The following FSIP2 variants were observed in gnomAD, a reference collection of about 807,000 sequenced individuals.
The protein encoded by FSIP2 is fibrous sheath-interacting protein 2.
A neutral mutation model predicts 510.5 loss-of-function variants in FSIP2; 367 were observed. The ratio of observed to expected loss-of-function variants is 0.72; its 90% CI spans 0.66 to 0.78. FSIP2 has a LOEUF of 0.78. Ranked by LOEUF, FSIP2 falls within the 30% of genes least tolerant of loss-of-function variation. FSIP2 has a pLI of 0.00. For synonymous variants in FSIP2, 2,601 were observed against 2,732.2 expected, an observed-to-expected ratio of 0.95 and a Z score of 1.50; for missense variants, 7,594 against 7,901.7, an observed-to-expected ratio of 0.96 and a Z score of 1.48.
chr2:185,802,345 A>C lies in FSIP2; in HGVS notation c.13039A>C (p.Asn4347His). The change falls in exon 17 of 23, where the codon AAT becomes CAT. Residue 4347 changes from asparagine to histidine, a missense_variant. Coordinates refer to ENST00000424728, the MANE Select transcript of FSIP2 (RefSeq NM_173651.4). ...AGTAAACTCCATAAATAGGCATTTC[A>C]ATAAAGCTAAAATTCACATTCTCTA... ...RIVNSINRHF[N>H]KAKIHILYDD... 1 of 1,533,322 alleles carries C rather than the reference A, an allele frequency of 6.5e-7. No individual in the cohort carries two copies. Among genetic ancestry groups the C allele is most frequent in the Non-Finnish European group, 8.7e-7 (1 of 1,145,244 alleles). The allele number at this position is 1,533,322 out of a possible 1,614,324, so 95.0% of individuals were successfully genotyped here.
In FSIP2 at chr2:185,801,127, G is replaced by A; in HGVS notation, c.11821G>A (p.Val3941Met). 1 of 1,533,606 alleles carries A rather than the reference G, an allele frequency of 6.5e-7. No homozygotes were observed. The allele number at this position is 1,533,606 out of a possible 1,614,324, so 95.0% of individuals were successfully genotyped here. A position where few individuals can be genotyped will look rare whatever the true frequency, so the allele number is the denominator to read the frequency against. The change falls in exon 17 of 23, where the codon GTG (valine) becomes ATG (methionine). Residue 3941 changes from valine (V) to methionine (M), a missense_variant. Transcript: ENST00000424728. ...GCATTGTGCAGTAAAATCCTCTTCTGTGTCACCTTTTGAAAGACAGAGAAC... is the reference window on the plus strand; with the variant it reads ...GCATTGTGCAGTAAAATCCTCTTCTATGTCACCTTTTGAAAGACAGAGAAC... ...NKHCAVKSSS[V>M]SPFERQRTKE...
Position 185,746,681 on chromosome 2 carries a change from G to A in FSIP2, c.630G>A (p.Met210Ile). 1 of 1,515,184 alleles carries A rather than the reference G, an allele frequency of 6.6e-7. No individual in the cohort carries two copies. The highest frequency in any genetic ancestry group is 8.8e-7 in the Non-Finnish European group (1 of 1,138,650). The allele number at this position is 1,515,184 out of a possible 1,614,324, so 93.9% of individuals were successfully genotyped here. The change falls in exon 6 of 23, where the codon ATG becomes ATA. Residue 210 changes from methionine to isoleucine, a missense_variant. Physicochemically the swap from Met to Ile is conservative, Grantham distance 10 (BLOSUM62 1). Coordinates refer to ENST00000424728, the MANE Select transcript of FSIP2 (RefSeq NM_173651.4). The part of the protein sequence containing the change: ...ERLMRHRYLD[M>I]ISRKLEQLER... ...CACTCTTACTCAGATATTTGGATAT[G>A]ATAAGTAGAAAACTAGAACAACTTG...
chr2:185,810,764 C>T (rs1313486381), intron 17 of FSIP2, among the ~76,000 whole-genome samples: 1 of 151,706 alleles, frequency 6.6e-6, no homozygotes, highest in Non-Finnish European at 1.5e-5. Context: ...TTAGAAGGCT[C>T]AGAAGAAGAT....
chr2:185,789,219 A>G lies in FSIP2; in HGVS notation c.2083A>G (p.Asn695Asp). ...GAAGAATTTAAAAAATGTTTTTGTTAACTTTAAATGTTACTTGAAAGGGGA... is the reference window on the plus strand; with the variant it reads ...GAAGAATTTAAAAAATGTTTTTGTTGACTTTAAATGTTACTTGAAAGGGGA... ...EMKNLKNVFV[N>D]FKCYLKGETE... The change falls in exon 16 of 23, where the codon AAC (asparagine) becomes GAC (aspartate). Residue 695 changes from asparagine to aspartate, a missense_variant. Asn to Asp is a conservative substitution (Grantham distance 23, BLOSUM62 1). Coordinates refer to ENST00000424728, the MANE Select transcript of FSIP2 (RefSeq NM_173651.4). 5.9e-6 allele frequency: 9 copies of G among 1,534,292 alleles called. No individual in the cohort carries two copies. Among genetic ancestry groups the G allele is most frequent in the Non-Finnish European group, 7.9e-6 (9 of 1,145,690 alleles).
chr2:185,801,092 C>G lies in FSIP2; in HGVS notation c.11786C>G (p.Pro3929Arg), dbSNP rs778679953. 1 of 1,531,956 alleles carries G rather than the reference C, an allele frequency of 6.5e-7. No individual in the cohort carries two copies. The highest frequency in any genetic ancestry group is 1.4e-5 in the African/African-American group (1 of 72,720). The allele number at this position is 1,531,956 out of a possible 1,614,324, so 94.9% of individuals were successfully genotyped here. ...GTGGTTAGCTCCAAAATACAAGCAC[C>G]ATTTAACAAGCATTGTGCAGTAAAA... ...PSVVSSKIQA[P>R]FNKHCAVKSS... is the part of the protein sequence containing the mutation. Residue 3929 changes from proline (P) to arginine (R), a missense_variant, in exon 17 of 23, where the codon CCA (proline) becomes CGA (arginine). Physicochemically the swap from Pro to Arg is moderately radical, Grantham distance 103. Coordinates refer to ENST00000424728, the MANE Select transcript of FSIP2 (RefSeq NM_173651.4).
chr2:185,738,453 G>A (rs1691831352), upstream of FSIP2: 3 of 679,742 alleles, frequency 4.4e-6, no homozygotes, highest in East Asian at 8.3e-5. Flanking sequence ...GGAGCCTGGG[G>A]ATGGGGTGTG....
Position 185,744,570 on chromosome 2 carries a change from T to C in FSIP2, c.477+159T>C, listed in dbSNP as rs1225557314. On this transcript the variant is annotated intron_variant, in intron 4 of 22. Transcript: ENST00000424728. ...AAATTTACAGTAGGAATAAACAATA[T>C]TTTAATTTTGCTATAGTTGGCCAAG... The C allele has an allele frequency of 1.3e-5, 3 of 226,216 alleles. No homozygotes were observed. In the East Asian group the frequency reaches 2.4e-4, roughly 18 times the overall value. The allele number at this position is 226,216 out of a possible 1,614,324, so 14.0% of individuals were successfully genotyped here.
rs1190071894 is a variant in FSIP2, at chr2:185,792,645, G to A, written c.5509G>A (p.Ala1837Thr). 5.2e-6 allele frequency: 8 copies of A among 1,533,844 alleles called. No individual in the cohort carries two copies. The highest frequency in any genetic ancestry group is 1.4e-5 in the African/African-American group (1 of 72,856). The change falls in exon 16 of 23, where the codon GCA (alanine) becomes ACA (threonine). Residue 1837 changes from alanine (A) to threonine (T), a missense_variant. Physicochemically the swap from Ala to Thr is moderately conservative, Grantham distance 58. Transcript: ENST00000424728. The part of the protein sequence containing the change: ...DKMMDPLLSE[A>T]DITIVTDNIV... ...AATGATGGATCCTTTACTTTCGGAA[G>A]CAGATATAACCATAGTAACAGATAA...
chr2:185,773,033 A>AT (rs543195809), intron 13 of FSIP2, among the ~76,000 whole-genome samples: 16 of 151,680 alleles, frequency 1.1e-4, no homozygotes, highest in South Asian at 4.2e-4. Context: ...CTAGTTTTGT[A>AT]TTTTTTTAGT....
At chr2:185,764,647 G>T in intron 13 of FSIP2, 82 bp downstream of exon 13, 2 of 957,688 alleles carry the variant, frequency 2.1e-6, no homozygotes, top group South Asian at 3.0e-5. Flanking sequence ...TTTGCTTCAT[G>T]TTAGATATGG....
rs1430945569 is a variant in FSIP2 at position 185,761,021 on chromosome 2, A to G, written c.1112A>G (p.Asn371Ser). The G allele has an allele frequency of 1.9e-5, 28 of 1,503,746 alleles. No individual in the cohort carries two copies. The highest frequency in any genetic ancestry group is 2.4e-5 in the Non-Finnish European group (27 of 1,122,854). 93.2% of individuals were successfully genotyped at this position (1,503,746 alleles called of 1,614,324 possible). The change falls in exon 10 of 23, where the codon AAT (asparagine) becomes AGT (serine). Residue 371 changes from asparagine (N) to serine (S), a missense_variant. Coordinates refer to ENST00000424728, the MANE Select transcript of FSIP2 (RefSeq NM_173651.4). Reference sequence around the variant, plus strand: ...GCAAATGCTGCTCATCAGCGTCAAAATAGTTCAAATAATTTTACGAAAAAA... The same window carrying G: ...GCAAATGCTGCTCATCAGCGTCAAAGTAGTTCAAATAATTTTACGAAAAAA... ...HTANAAHQRQ[N>S]SSNNFTKKNS...
chr2:185,802,987 G>A lies in FSIP2; in HGVS notation c.13681G>A (p.Ala4561Thr). ...GCAAACCTCTGGTTCTCAAGAATCA[G>A]CTGTGCAAAATATCACAAGCAGTAA... Reference protein sequence around the residue: ...VVQTSGSQESAVQNITSSNDI... With the variant: ...VVQTSGSQESTVQNITSSNDI... The change falls in exon 17 of 23, where the codon GCT (alanine) becomes ACT (threonine). Residue 4561 changes from alanine to threonine, a missense_variant. Coordinates refer to ENST00000424728, the MANE Select transcript of FSIP2 (RefSeq NM_173651.4). 1.3e-6 allele frequency: 2 copies of A among 1,531,214 alleles called. No homozygotes were observed. The highest frequency in any genetic ancestry group is 2.4e-5 in the South Asian group (2 of 83,330). 94.9% of individuals were successfully genotyped at this position (1,531,214 alleles called of 1,614,324 possible). A position where few individuals can be genotyped will look rare whatever the true frequency, so the allele number is the denominator to read the frequency against.
chr2:185,747,048 T>C (rs1052438916), intron 6 of FSIP2, among the ~76,000 whole-genome samples: 1 of 152,146 alleles, frequency 6.6e-6, no homozygotes, highest in African/African-American at 2.4e-5. Flanking sequence ...GAAAGTTAAC[T>C]AGACACTATT....
chr2:185,741,329 G>A (rs550744778), intron 2 of FSIP2, among the ~76,000 whole-genome samples: 19 of 152,228 alleles, frequency 1.2e-4, no homozygotes, highest in African/African-American at 4.3e-4. Flanking sequence ...CTCTTTCAGT[G>A]TACTCTCCTT....
intron 22 of FSIP2, 49 bp downstream of exon 22, chr2:185,831,931 C>T (rs1694116432): frequency 2.7e-6 from 3 of 1,130,746 alleles, no homozygotes; most frequent in East Asian, 2.4e-5. Flanking sequence ...CTGTCAATTG[C>T]ATCATTTTGA....
Position 185,805,821 on chromosome 2 carries a change from C to T in FSIP2, c.16515C>T (p.Asn5505=). 1 of 1,604,066 alleles carries T rather than the reference C, an allele frequency of 6.2e-7. No individual in the cohort carries two copies. Among genetic ancestry groups the T allele is most frequent in the Non-Finnish European group, 8.5e-7 (1 of 1,176,758 alleles). Residue 5505 remains asparagine, a synonymous_variant, in exon 17 of 23, where the codon AAC becomes AAT. Transcript: ENST00000424728. ...CAATTATGAAAAGCGGCATGATTAA[C>T]CTAACATCAGGGTTGGCTACAGGTG... The part of the protein sequence containing the change: ...INAIMKSGMI[N]LTSGLATGVT...
In FSIP2 at chr2:185,801,693, G is replaced by C; in HGVS notation, c.12387G>C (p.Arg4129Ser). 2 of 1,526,834 alleles carry C rather than the reference G, an allele frequency of 1.3e-6. No individual in the cohort carries two copies. The highest frequency in any genetic ancestry group is 1.7e-6 in the Non-Finnish European group (2 of 1,143,250). The allele number at this position is 1,526,834 out of a possible 1,614,324, so 94.6% of individuals were successfully genotyped here. A position where few individuals can be genotyped will look rare whatever the true frequency, so the allele number is the denominator to read the frequency against. ...TAACAGAATTTACTTCTCTACCCAGGTCTTCATCAGACTATAGTACCATGT... is the reference window on the plus strand; with the variant it reads ...TAACAGAATTTACTTCTCTACCCAGCTCTTCATCAGACTATAGTACCATGT... ...SNLTEFTSLP[R>S]SSSDYSTMLS... The change falls in exon 17 of 23, where the codon AGG (arginine) becomes AGC (serine). Residue 4129 changes from arginine (R) to serine (S), a missense_variant. Physicochemically the swap from Arg to Ser is moderately radical, Grantham distance 110 (BLOSUM62 -1). Transcript: ENST00000424728.
chr2:185,786,891 T>C (rs2105604989), intron 15 of FSIP2, among the ~76,000 whole-genome samples: 1 of 151,928 alleles, frequency 6.6e-6, no homozygotes, highest in East Asian at 1.9e-4. Context: ...TACAAAAGCT[T>C]TGACCCAAGG....
chr2:185,816,855 C>CAGAGAG (rs58545522), intron 19 of FSIP2, among the ~76,000 whole-genome samples: 3 of 140,198 alleles, frequency 2.1e-5, no homozygotes, highest in Non-Finnish European at 3.1e-5. Flanking sequence ...AACTCTGAGA[C>CAGAGAG]AGAGAGAGAG....
Sources: gnomAD v4.1 joint callset for allele counts (sites outside exome capture counted in the v4.1 genomes callset) on GRCh38, gnomAD v4.1.1 for gene constraint, MANE v1.5 for transcripts, NCBI Gene and HGNC (gene_info 2026-07-23, HGNC 2026-07-21) for gene names.